The following HS3ST5 variants were observed in gnomAD, a reference collection of about 807,000 sequenced individuals.
The protein encoded by HS3ST5 is heparan sulfate glucosamine 3-O-sulfotransferase 5.
A neutral mutation model predicts 25.4 loss-of-function variants in HS3ST5; 10 were observed. That is an observed-to-expected ratio of 0.39 (90% confidence interval 0.24 to 0.67). The LOEUF is 0.67. Ranked by LOEUF, HS3ST5 falls within the 30% of genes least tolerant of loss-of-function variation. The pLI is 0.44. For synonymous variants in HS3ST5, 170 were observed against 162.4 expected (o/e 1.05, Z -0.36); for missense variants, 324 against 420.7 (o/e 0.77, Z 2.01).
intron 1 of HS3ST5, among the ~76,000 whole-genome samples, chr6:114,242,214 A>T (rs73542312): frequency 0.013 from 1,962 of 152,152 alleles, 33 homozygotes; most frequent in African/African-American, 0.045. Flanking sequence ...CTGATTAATG[A>T]CTTTTATATT....
In HS3ST5 at chr6:114,192,744, GA is replaced by G. The variant is rs1780561765; in HGVS notation, c.-144-24283del. Among the ~76,000 whole-genome samples, 5 of 152,222 alleles carry G rather than the reference GA, an allele frequency of 3.3e-5. No individual in the cohort carries two copies. The South Asian group carries it at 1.0e-3, about 32-fold the overall frequency. On this transcript the variant is annotated intron_variant, in intron 2 of 4. Transcript: ENST00000312719. The stretch of plus-strand genomic sequence containing the variant: ...AGACCTCAGAACTATACAATTTGGG[GA>G]AAATTGGTCCCAGAGTCATAGCTTC...
chr6:114,135,779 G>A (rs981266353), intron 3 of HS3ST5, among the ~76,000 whole-genome samples: 3 of 152,180 alleles, frequency 2.0e-5, no homozygotes, highest in African/African-American at 7.2e-5. Context: ...ACTCTGCCTG[G>A]AAGGCTCTTC....
chr6:114,129,251 CTT>C (rs398048772), intron 3 of HS3ST5, among the ~76,000 whole-genome samples: 22,003 of 97,410 alleles, frequency 0.23, 1,434 homozygotes, highest in African/African-American at 0.26. Flanking sequence ...CAACAAGAAC[CTT>C]TTTTTTTTTT....
intron 2 of HS3ST5, among the ~76,000 whole-genome samples, chr6:114,214,698 T>G (rs1165974748): frequency 6.6e-6 from 1 of 152,250 alleles, no homozygotes; most frequent in African/African-American, 2.4e-5. Context: ...AGAGCAAGAC[T>G]GAGAAATTAT....
In HS3ST5 at chr6:114,342,397, A is replaced by G; in HGVS notation, c.-541T>C. On this transcript the variant is annotated 5_prime_UTR_variant, in exon 1 of 5. Coordinates refer to ENST00000312719, the MANE Select transcript of HS3ST5 (RefSeq NM_153612.4). Reference sequence around the variant, plus strand: ...GGGCTGTGCGTGGCGCGTGTGAGTAAGACGCGAGCGGGCCCCACACGCAGG... The same window carrying G: ...GGGCTGTGCGTGGCGCGTGTGAGTAGGACGCGAGCGGGCCCCACACGCAGG... 1 of 187,388 alleles carries G rather than the reference A, an allele frequency of 5.3e-6. No individual in the cohort carries two copies. Among genetic ancestry groups the G allele is most frequent in the Non-Finnish European group, 1.0e-5 (1 of 95,820 alleles). 11.6% of individuals were successfully genotyped at this position (187,388 alleles called of 1,614,324 possible).
chr6:114,220,798 C>T (rs1781995132), intron 2 of HS3ST5: 2 of 152,070 alleles, frequency 1.3e-5, no homozygotes, highest in East Asian at 3.9e-4. Context: ...AGATCATTCT[C>T]ATTTTTTTAA....
chr6:114,332,977 T>TTG (rs1410105503), intron 1 of HS3ST5, among the ~76,000 whole-genome samples: 2 of 152,084 alleles, frequency 1.3e-5, no homozygotes, highest in Non-Finnish European at 2.9e-5. Flanking sequence ...AGTAAGGGCT[T>TTG]TGTAGGTTGA....
chr6:114,156,397 G>A (rs755069905), intron 3 of HS3ST5, among the ~76,000 whole-genome samples: 3 of 152,240 alleles, frequency 2.0e-5, no homozygotes, highest in Non-Finnish European at 4.4e-5. Flanking sequence ...TCAAAACAGT[G>A]ATGGAAAACC....
intron 1 of HS3ST5, among the ~76,000 whole-genome samples, chr6:114,292,419 T>G (rs936318595): frequency 6.6e-6 from 1 of 152,148 alleles, no homozygotes; most frequent in Non-Finnish European, 1.5e-5. Context: ...CTTTTCATAG[T>G]GGCATTAATC....
chr6:114,306,229 T>C (rs1418719119), intron 1 of HS3ST5, among the ~76,000 whole-genome samples: 1 of 116,028 alleles, frequency 8.6e-6, no homozygotes, highest in Non-Finnish European at 1.9e-5. Context: ...CTTCTGTAAA[T>C]GAAATATACA....
intron 1 of HS3ST5, among the ~76,000 whole-genome samples, chr6:114,266,558 G>A (rs1244372738): frequency 6.6e-6 from 1 of 152,178 alleles, no homozygotes; most frequent in African/African-American, 2.4e-5. Context: ...AATGCAATGT[G>A]TGGGTTTATT....
At chr6:114,133,543 A>G (rs1777451735) in intron 3 of HS3ST5, among the ~76,000 whole-genome samples, 1 of 152,192 alleles carries the variant, frequency 6.6e-6, no homozygotes, top group African/African-American at 2.4e-5. Flanking sequence ...ATTTTAGGCT[A>G]AGAGGAGGGG....
intron 3 of HS3ST5, among the ~76,000 whole-genome samples, chr6:114,141,713 A>C (rs1258631152): frequency 6.6e-6 from 1 of 152,224 alleles, no homozygotes; most frequent in Admixed American, 6.5e-5. Context: ...ACAAGGCAGT[A>C]GGGGCTGTTT....
chr6:114,306,915 T>C (rs1335341740), intron 1 of HS3ST5, among the ~76,000 whole-genome samples: 1 of 152,210 alleles, frequency 6.6e-6, no homozygotes, highest in Non-Finnish European at 1.5e-5. Context: ...TTTGTCCATT[T>C]CAACATCTAT....
chr6:114,232,822 T>C lies in HS3ST5; in HGVS notation c.-338-4044A>G, dbSNP rs565919372. ...TCTCTGTGTATCCTCCTCTTCTTTTTCTCCTCCTCTACCACCATCATAACC... is the reference window on the plus strand; with the variant it reads ...TCTCTGTGTATCCTCCTCTTCTTTTCCTCCTCCTCTACCACCATCATAACC... On this transcript the variant is annotated intron_variant, in intron 1 of 4. Coordinates refer to ENST00000312719, the MANE Select transcript of HS3ST5 (RefSeq NM_153612.4). Among the ~76,000 whole-genome samples, 374 of 152,310 alleles carry C rather than the reference T, an allele frequency of 2.5e-3. 1 individual carries two copies. The highest frequency in any genetic ancestry group is 3.4e-3 in the Non-Finnish European group (229 of 68,030).
In HS3ST5 at chr6:114,057,911, A is replaced by C; in HGVS notation, c.387T>G (p.Asp129Glu). The change falls in exon 5 of 5, where the codon GAT becomes GAG. Residue 129 changes from aspartate (D) to glutamate (E), a missense_variant. Coordinates refer to ENST00000312719, the MANE Select transcript of HS3ST5 (RefSeq NM_153612.4). ...ASQEIHFFDN[D>E]ENYGKGIEWY... ...ACTCAATGCCCTTACCATAATTCTC[A>C]TCATTATCAAAAAAGTGGATTTCTT... is the stretch of plus-strand genomic sequence containing the variant. 1 of 1,614,158 alleles carries C rather than the reference A, an allele frequency of 6.2e-7. No homozygotes were observed. The highest frequency in any genetic ancestry group is 8.5e-7 in the Non-Finnish European group (1 of 1,180,026).
chr6:114,252,969 C>T (rs921747535), intron 1 of HS3ST5, among the ~76,000 whole-genome samples: 2 of 151,970 alleles, frequency 1.3e-5, no homozygotes, highest in African/African-American at 4.8e-5. Flanking sequence ...ATTGCTTGAG[C>T]CCAGGAATTC....
intron 1 of HS3ST5, among the ~76,000 whole-genome samples, chr6:114,232,363 G>T (rs1771638871): frequency 6.6e-6 from 1 of 151,732 alleles, no homozygotes; most frequent in Non-Finnish European, 1.5e-5. Context: ...TTTATTTATT[G>T]CAGTTTTAGC....
At chr6:114,239,858 C>T (rs1472986653) in intron 1 of HS3ST5, among the ~76,000 whole-genome samples, 2 of 152,128 alleles carry the variant, frequency 1.3e-5, no homozygotes, top group African/African-American at 2.4e-5. Context: ...AACATTCATG[C>T]ATTTGTTCAT....
Sources: allele counts gnomAD v4.1 joint callset (sites outside exome capture counted in the v4.1 genomes callset), GRCh38; gene constraint gnomAD v4.1.1; transcripts MANE v1.5; gene names NCBI Gene and HGNC (gene_info 2026-07-23, HGNC 2026-07-21).